The following EFCAB11 variants were observed in gnomAD, a reference collection of about 807,000 sequenced individuals.
EFCAB11 encodes the protein EF-hand calcium binding domain 11, also known as EF-hand calcium-binding domain-containing protein 11.
Under a neutral mutation model 23.0 loss-of-function variants are expected in EFCAB11, and 14 were observed. The observed-to-expected ratio is 0.61, with a 90% confidence interval of 0.40 to 0.95. The LOEUF (loss-of-function observed/expected upper bound fraction) is 0.95. Among genes scored for constraint, EFCAB11 ranks in the 40% least tolerant of loss-of-function variants. EFCAB11 has a pLI of 0.00. For synonymous variants in EFCAB11, 65 were observed against 66.6 expected (o/e 0.98, Z 0.11); for missense variants, 198 against 195.8 (o/e 1.01, Z -0.07).
intron 5 of EFCAB11, among the ~76,000 whole-genome samples, chr14:89,817,482 C>T (rs1295512478): frequency 6.6e-6 from 1 of 152,168 alleles, no homozygotes; most frequent in Non-Finnish European, 1.5e-5. Context: ...GATCGTACCA[C>T]TGCATTCTAG....
intron 5 of EFCAB11, among the ~76,000 whole-genome samples, chr14:89,860,761 G>A (rs376064841): frequency 6.6e-6 from 1 of 152,136 alleles, no homozygotes; most frequent in African/African-American, 2.4e-5. Context: ...TAATGTTTCT[G>A]GGTTACAGTG....
chr14:89,934,940 G>A (rs1248885639), intron 3 of EFCAB11, among the ~76,000 whole-genome samples: 2 of 152,152 alleles, frequency 1.3e-5, no homozygotes, highest in African/African-American at 4.8e-5. Context: ...AGGCTTCCTA[G>A]TCAACTTCCT....
intron 5 of EFCAB11, among the ~76,000 whole-genome samples, chr14:89,821,730 A>C (rs999660978): frequency 4.6e-5 from 7 of 152,140 alleles, no homozygotes; most frequent in East Asian, 3.9e-4. Context: ...GAAACTTGAA[A>C]ACAGAGAACC....
intron 5 of EFCAB11, among the ~76,000 whole-genome samples, chr14:89,834,930 C>A (rs1887023780): frequency 6.6e-6 from 1 of 152,146 alleles, no homozygotes; most frequent in Middle Eastern, 3.2e-3. Flanking sequence ...AGTACCCCTG[C>A]CATTGTGACC....
chr14:89,872,052 T>C (rs1888288716), intron 5 of EFCAB11, among the ~76,000 whole-genome samples: 2 of 152,214 alleles, frequency 1.3e-5, no homozygotes, highest in South Asian at 2.1e-4. Context: ...AAAAGGAAGA[T>C]GTAAATTTTA....
intron 5 of EFCAB11, among the ~76,000 whole-genome samples, chr14:89,900,527 T>G (rs1263295135): frequency 6.6e-6 from 1 of 152,210 alleles, no homozygotes; most frequent in African/African-American, 2.4e-5. Context: ...GAAAAAGCCA[T>G]GAGGGCTGCC....
At chr14:89,835,420 G>A (rs1324188248) in intron 5 of EFCAB11, among the ~76,000 whole-genome samples, 1 of 151,984 alleles carries the variant, frequency 6.6e-6, no homozygotes, top group Non-Finnish European at 1.5e-5. Context: ...TAGCCTGAAG[G>A]TAATTTTATA....
chr14:89,913,621 T>A (rs1889749363), intron 5 of EFCAB11, among the ~76,000 whole-genome samples: 1 of 152,182 alleles, frequency 6.6e-6, no homozygotes, highest in South Asian at 2.1e-4. Flanking sequence ...ATATACCTTA[T>A]ACAGTTGTAT....
At chr14:89,910,108 C>G (rs1460373867) in intron 5 of EFCAB11, among the ~76,000 whole-genome samples, 1 of 152,204 alleles carries the variant, frequency 6.6e-6, no homozygotes, top group Non-Finnish European at 1.5e-5. Context: ...CATACAATCC[C>G]AGTATCTGCA....
intron 5 of EFCAB11, among the ~76,000 whole-genome samples, chr14:89,869,814 T>G (rs919779713): frequency 1.3e-5 from 2 of 152,176 alleles, no homozygotes; most frequent in Non-Finnish European, 2.9e-5. Flanking sequence ...GAATCTAGTG[T>G]CCTAACTCCC....
At chr14:89,942,396 AT>A (rs1890823213) in intron 3 of EFCAB11, among the ~76,000 whole-genome samples, 1 of 152,170 alleles carries the variant, frequency 6.6e-6, no homozygotes, top group Non-Finnish European at 1.5e-5. Context: ...AGTATTTATT[AT>A]TTTATTATTC....
At position 89,942,911 on chromosome 14, in the gene EFCAB11, C is replaced by T. The variant is rs1258700975; in HGVS notation, c.217+7186G>A. Reference sequence around the variant, plus strand: ...AAATGACCTACTTTTCAAGAGGATTCGAAGCCCTTGGGAAGCAGGGCCTGG... The same window carrying T: ...AAATGACCTACTTTTCAAGAGGATTTGAAGCCCTTGGGAAGCAGGGCCTGG... On this transcript the variant is annotated intron_variant, in intron 3 of 5. Coordinates refer to ENST00000316738, the MANE Select transcript of EFCAB11 (RefSeq NM_145231.4). Among the ~76,000 whole-genome samples, 4 of 152,130 alleles carry T rather than the reference C, an allele frequency of 2.6e-5. No homozygotes were observed. In the East Asian group the frequency reaches 5.8e-4, roughly 22 times the overall value.
intron 5 of EFCAB11, among the ~76,000 whole-genome samples, chr14:89,819,455 T>G (rs1886437318): frequency 1.6e-5 from 2 of 126,410 alleles, no homozygotes; most frequent in South Asian, 4.8e-4. Context: ...GGTCTCACTT[T>G]GTCACCTAGG....
At chr14:89,812,243 A>G (rs1886173731) in intron 5 of EFCAB11, among the ~76,000 whole-genome samples, 1 of 152,236 alleles carries the variant, frequency 6.6e-6, no homozygotes, top group Non-Finnish European at 1.5e-5. Flanking sequence ...AAATACCTTA[A>G]TAAGAAATGT....
chr14:89,816,055 T>C (rs1886326921), intron 5 of EFCAB11, among the ~76,000 whole-genome samples: 1 of 152,208 alleles, frequency 6.6e-6, no homozygotes, highest in South Asian at 2.1e-4. Flanking sequence ...CTCTTCAATT[T>C]CGCTTATCAG....
intron 5 of EFCAB11, among the ~76,000 whole-genome samples, chr14:89,889,954 C>T (rs1888909225): frequency 6.6e-6 from 1 of 152,206 alleles, no homozygotes; most frequent in Non-Finnish European, 1.5e-5. Flanking sequence ...TAAATCATAG[C>T]CATGAATACG....
intron 5 of EFCAB11, among the ~76,000 whole-genome samples, chr14:89,916,041 GCCCTTAAGGCACAACTCCGAT>G (rs894970968): frequency 1.3e-5 from 2 of 151,646 alleles, no homozygotes; most frequent in African/African-American, 4.9e-5. Flanking sequence ...GCAGAGCCAA[GCCCTTAAGGCACAACTCCGAT>G]CTCTGCACAG....
intron 2 of EFCAB11, among the ~76,000 whole-genome samples, chr14:89,951,731 A>C (rs1365577932): frequency 1.3e-5 from 2 of 151,748 alleles, no homozygotes; most frequent in African/African-American, 2.4e-5. Flanking sequence ...AACATTGGTG[A>C]AACCCCATCT....
chr14:89,894,179 T>A (rs980531417), intron 5 of EFCAB11, among the ~76,000 whole-genome samples: 5 of 152,114 alleles, frequency 3.3e-5, no homozygotes, highest in African/African-American at 1.2e-4. Flanking sequence ...CTCGATCTCC[T>A]GACCTCGTGA....
Sources: allele counts gnomAD v4.1 joint callset (sites outside exome capture counted in the v4.1 genomes callset), GRCh38; gene constraint gnomAD v4.1.1; transcripts MANE v1.5; gene names NCBI Gene and HGNC (gene_info 2026-07-23, HGNC 2026-07-21).